The following DPH6 variants were observed in gnomAD, a reference collection of about 807,000 sequenced individuals.
DPH6 encodes diphthamine biosynthesis 6, also known as diphthine--ammonia ligase.
DPH6 carries 33 observed loss-of-function variants against 38.2 expected under a neutral mutation model. That is an observed-to-expected ratio of 0.86 (90% confidence interval 0.65 to 1.15). The LOEUF is 1.15. Among genes scored for constraint, DPH6 ranks in the 50% most tolerant of loss-of-function variants. DPH6 has a pLI of 0.00. For synonymous variants in DPH6, 108 were observed against 103.0 expected (o/e 1.05, Z -0.30); for missense variants, 325 against 320.0 (o/e 1.02, Z -0.12).
intron 5 of DPH6, among the ~76,000 whole-genome samples, chr15:35,428,014 A>C (rs1041361587): frequency 2.0e-5 from 3 of 152,022 alleles, no homozygotes; most frequent in Non-Finnish European, 4.4e-5. Flanking sequence ...CTCCCAAACC[A>C]AGAAGGAAAG....
At chr15:35,237,335 G>T in intron 3 of DPH6, 1 of 1,591,772 alleles carries the variant, frequency 6.3e-7, no homozygotes, top group Non-Finnish European at 8.6e-7. Context: ...GATGAAGATG[G>T]GCAGACGGAT....
chr15:35,157,407 G>T, the DPH6 span, among the ~76,000 whole-genome samples: 1 of 152,048 alleles, frequency 6.6e-6, no homozygotes, highest in Non-Finnish European at 1.5e-5. Context: ...CAAAATTAAT[G>T]TGTATGTTTA....
intron 5 of DPH6, among the ~76,000 whole-genome samples, chr15:35,444,031 G>A (rs2053820578): frequency 6.6e-6 from 1 of 152,142 alleles, no homozygotes; most frequent in African/African-American, 2.4e-5. Flanking sequence ...CATCAGAACA[G>A]CTCTCCAGGT....
intron 3 of DPH6, among the ~76,000 whole-genome samples, chr15:35,263,796 C>T (rs1164100096): frequency 6.6e-6 from 1 of 151,856 alleles, no homozygotes. Context: ...ACTCCAAGCT[C>T]AGCCTCCCGG....
intron 3 of DPH6, among the ~76,000 whole-genome samples, chr15:35,536,195 A>G (rs1354966824): frequency 6.6e-6 from 1 of 151,984 alleles, no homozygotes; most frequent in Non-Finnish European, 1.5e-5. Flanking sequence ...AGAATATGTA[A>G]GACCTCCACT....
rs145913537 is a variant in DPH6 at position 35,426,646 on chromosome 15, T to C, written c.506-15750A>G. 4.7e-4 allele frequency among the ~76,000 whole-genome samples: 72 copies of C among 151,878 alleles called. 1 individual carries two copies. The highest frequency in any genetic ancestry group is 7.1e-4 in the Non-Finnish European group (48 of 67,752). Reference sequence around the variant, plus strand: ...TGCACAATTCAAGCTCATGTTCTAATTGGTATGGGCATCTCTTAATGTTAA... The same window carrying C: ...TGCACAATTCAAGCTCATGTTCTAACTGGTATGGGCATCTCTTAATGTTAA... On this transcript the variant is annotated intron_variant, in intron 5 of 8. Transcript: ENST00000256538.
rs3759846 is a variant in DPH6 at position 35,372,097 on chromosome 15, C to G, written c.*53G>C. 0.26 allele frequency: 378,768 copies of G among 1,476,602 alleles called. 50,289 individuals are homozygous for G. The highest frequency in any genetic ancestry group is 0.37 in the South Asian group (25,910 of 70,130). The allele number at this position is 1,476,602 out of a possible 1,614,324, so 91.5% of individuals were successfully genotyped here. Reference sequence around the variant, plus strand: ...TCATAGTAACTGAGAAAATACTATGCAATTTTTTTGTATAGAAATGGTGGT... The same window carrying G: ...TCATAGTAACTGAGAAAATACTATGGAATTTTTTTGTATAGAAATGGTGGT... On this transcript the variant is annotated 3_prime_UTR_variant, in exon 9 of 9. Transcript: ENST00000256538.
At chr15:35,220,761 G>A (rs559195096) in intron 3 of DPH6, among the ~76,000 whole-genome samples, 135 of 152,138 alleles carry the variant, frequency 8.9e-4, no homozygotes, top group Non-Finnish European at 1.6e-3. Context: ...ACTCTGGAAA[G>A]GACAACCATT....
chr15:35,496,567 A>AATATATATATATATAT (rs1165939476), intron 3 of DPH6, among the ~76,000 whole-genome samples: 397 of 30,906 alleles, frequency 0.013, 37 homozygotes, highest in Middle Eastern at 0.059. Flanking sequence ...AAAAAAAAAA[A>AATATATATATATATAT]ATATATATAT....
intron 3 of DPH6, among the ~76,000 whole-genome samples, chr15:35,358,909 G>A (rs1276065828): frequency 1.3e-5 from 2 of 152,002 alleles, no homozygotes; most frequent in African/African-American, 2.4e-5. Context: ...GTGGTATTAT[G>A]AGGAGGAACT....
At chr15:35,244,519 A>C (rs1260643270) in intron 3 of DPH6, among the ~76,000 whole-genome samples, 1 of 152,254 alleles carries the variant, frequency 6.6e-6, no homozygotes, top group Non-Finnish European at 1.5e-5. Context: ...TATTCATCCC[A>C]TGATGCATTT....
At position 35,260,553 on chromosome 15, in the gene DPH6, C is replaced by CTTCAT. The variant is rs1296765408; in HGVS notation, n.201-39972_201-39971insATGAA. 9.3e-5 allele frequency among the ~76,000 whole-genome samples: 14 copies of CTTCAT among 150,912 alleles called. No individual in the cohort carries two copies. In the South Asian group the frequency reaches 1.5e-3, roughly 16 times the overall value. ...TTTAATATTATTAGATAATATTAAACTTAAGTAATCTGAAGACTTCATTTA... is the reference window on the plus strand; with the variant it reads ...TTTAATATTATTAGATAATATTAAACTTCATTTAAGTAATCTGAAGACTTCATTTA... On this transcript the variant is annotated intron_variant and non_coding_transcript_variant, in intron 3 of 3. Transcript: ENST00000560386.
In DPH6 at chr15:35,343,296, C is replaced by G. The variant is rs34486292; in HGVS notation, n.208-12219G>C. Reference sequence around the variant, plus strand: ...AATATTGTTTTCATTTAAATTATTACCAGGTAAAGTCCTTAAATATCCAAT... The same window carrying G: ...AATATTGTTTTCATTTAAATTATTAGCAGGTAAAGTCCTTAAATATCCAAT... On this transcript the variant is annotated intron_variant and non_coding_transcript_variant, in intron 3 of 3. Coordinates refer to the DPH6 transcript ENST00000558973. Among the ~76,000 whole-genome samples, 1,190 of 152,118 alleles carry G rather than the reference C, an allele frequency of 7.8e-3. 4 individuals carry two copies. The highest frequency in any genetic ancestry group is 0.012 in the Non-Finnish European group (812 of 67,934).
At position 35,283,037 on chromosome 15, in the gene DPH6, TCTTCTTCTTC is replaced by T. The variant is rs367953440; in HGVS notation, n.201-62465_201-62456del. ...TCCTCTTCCTCTTCTTCCTTCTTCT[TCTTCTTCTTC>T]CTTCTTCTTCCTTCTTCTTCTTCCT... On this transcript the variant is annotated intron_variant and non_coding_transcript_variant, in intron 3 of 3. Transcript: ENST00000560386. 2.5e-3 allele frequency: 490 copies of T among 194,012 alleles called. 2 individuals are homozygous for T. The highest frequency in any genetic ancestry group is 7.1e-3 in the African/African-American group (291 of 41,056). 12.0% of individuals were successfully genotyped at this position (194,012 alleles called of 1,614,324 possible).
intron 3 of DPH6, among the ~76,000 whole-genome samples, chr15:35,230,576 A>G (rs192609196): frequency 3.5e-4 from 54 of 152,228 alleles, no homozygotes; most frequent in Non-Finnish European, 6.9e-4. Flanking sequence ...ATCAAAGAGA[A>G]GAAGTCTTGC....
intron 3 of DPH6, among the ~76,000 whole-genome samples, chr15:35,302,756 G>C (rs551707387): frequency 2.5e-4 from 38 of 151,428 alleles, no homozygotes; most frequent in African/African-American, 9.2e-4. Flanking sequence ...AGTGATTTTT[G>C]AAAGTAATTA....
At chr15:35,228,045 G>T (rs1027190145) in intron 3 of DPH6, among the ~76,000 whole-genome samples, 54 of 151,808 alleles carry the variant, frequency 3.6e-4, no homozygotes, top group Non-Finnish European at 5.6e-4. Flanking sequence ...CCTAATATAT[G>T]GTTTTTCCTT....
At chr15:35,399,620 C>T (rs1395016887) in intron 6 of DPH6, among the ~76,000 whole-genome samples, 1 of 152,152 alleles carries the variant, frequency 6.6e-6, no homozygotes, top group African/African-American at 2.4e-5. Flanking sequence ...ATATCCTATA[C>T]ACTTCCAAAG....
downstream of DPH6, among the ~76,000 whole-genome samples, chr15:35,328,655 A>T (rs563044537): frequency 6.6e-6 from 1 of 152,336 alleles, no homozygotes; most frequent in Non-Finnish European, 1.5e-5. Context: ...ACTAAAGAAG[A>T]ATCCTTGTCA....
Sources: gnomAD v4.1 joint callset for allele counts (sites outside exome capture counted in the v4.1 genomes callset) on GRCh38, gnomAD v4.1.1 for gene constraint, MANE v1.5 for transcripts, NCBI Gene and HGNC (gene_info 2026-07-23, HGNC 2026-07-21) for gene names.